The following NLGN1 variants were observed in gnomAD, a reference collection of about 807,000 sequenced individuals.
NLGN1 encodes neuroligin 1, also known as neuroligin-1.
A neutral mutation model predicts 65.5 loss-of-function variants in NLGN1; 12 were observed. The observed-to-expected ratio is 0.18, with a 90% CI of 0.12 to 0.30. The LOEUF is 0.30. Ranked by LOEUF, NLGN1 falls within the 10% of genes least tolerant of loss-of-function variation. NLGN1 has a pLI of 1.00. For missense variants in NLGN1, 750 were observed against 1,007.1 expected (o/e 0.74, Z 3.46); for synonymous variants, 350 against 359.5 (o/e 0.97, Z 0.30).
At chr3:173,651,188 G>A (rs1332097915) in intron 3 of NLGN1, among the ~76,000 whole-genome samples, 3 of 151,762 alleles carry the variant, frequency 2.0e-5, no homozygotes, top group Non-Finnish European at 4.4e-5. Context: ...GGTAGTGTTT[G>A]ACTTGCTGTT....
chr3:173,799,498 A>G (rs1048977732), intron 3 of NLGN1, among the ~76,000 whole-genome samples: 5 of 151,990 alleles, frequency 3.3e-5, no homozygotes, highest in African/African-American at 9.7e-5. Context: ...AACTATACTG[A>G]GCATGAAACT....
intron 4 of NLGN1, among the ~76,000 whole-genome samples, chr3:174,022,902 A>T (rs1346277276): frequency 6.6e-6 from 1 of 152,134 alleles, no homozygotes; most frequent in Non-Finnish European, 1.5e-5. Context: ...TGTTGCTTAC[A>T]AAGGTTTATT....
chr3:173,422,958 G>A (rs1323012311), intron 1 of NLGN1, among the ~76,000 whole-genome samples: 1 of 152,116 alleles, frequency 6.6e-6, no homozygotes, highest in Non-Finnish European at 1.5e-5. Flanking sequence ...ATTTATAAAG[G>A]AATTCTTTCC....
intron 2 of NLGN1, among the ~76,000 whole-genome samples, chr3:173,542,105 C>CTTTATAAATATAAATTTA (rs1484522352): frequency 1.3e-5 from 2 of 151,856 alleles, no homozygotes; most frequent in African/African-American, 4.8e-5. Context: ...CCCTTATTTA[C>CTTTATAAATATAAATTTA]TTTGTATTTT....
At chr3:173,469,557 G>C (rs1724969590) in intron 2 of NLGN1, among the ~76,000 whole-genome samples, 1 of 151,900 alleles carries the variant, frequency 6.6e-6, no homozygotes, top group South Asian at 2.1e-4. Context: ...TCCTAAGGCA[G>C]ATGGATGCTA....
Position 174,156,732 on chromosome 3 carries a change from T to C in NLGN1, c.647-118583T>C, listed in dbSNP as rs1271053351. On this transcript the variant is annotated intron_variant, in intron 4 of 6. Transcript: ENST00000457714. ...TGAAAAAGTATGATATTGATAATAT[T>C]AACAAAGTCTGACTTTTGCCCAAAA... Among the ~76,000 whole-genome samples, 4 of 151,694 alleles carry C rather than the reference T, an allele frequency of 2.6e-5. No individual in the cohort carries two copies. The Admixed American group carries it at 2.6e-4, about 10-fold the overall frequency.
At chr3:173,739,220 T>G (rs371089994) in intron 3 of NLGN1, among the ~76,000 whole-genome samples, 4 of 152,132 alleles carry the variant, frequency 2.6e-5, no homozygotes, top group African/African-American at 9.6e-5. Context: ...TCCGCTCGAA[T>G]AAAGGAGACC....
chr3:173,853,251 A>G (rs1042344243), intron 4 of NLGN1, among the ~76,000 whole-genome samples: 1 of 152,208 alleles, frequency 6.6e-6, no homozygotes, highest in Non-Finnish European at 1.5e-5. Context: ...TACTTGTAGC[A>G]TATGGAAAAC....
chr3:173,832,992 A>G (rs896328400), intron 4 of NLGN1, among the ~76,000 whole-genome samples: 12 of 152,322 alleles, frequency 7.9e-5, no homozygotes, highest in East Asian at 1.9e-4. Context: ...GCATATGTGG[A>G]TGAAACCATA....
rs550577175 is a variant in NLGN1, at chr3:174,057,272, G to A, written c.647-218043G>A. On this transcript the variant is annotated intron_variant, in intron 4 of 6. Coordinates refer to ENST00000457714, the Ensembl canonical transcript of NLGN1. ...ACACGGTACTGTTTTTGATGGGGACGGGGAAAACTTCTTGATAACTAGATG... is the reference window on the plus strand; with the variant it reads ...ACACGGTACTGTTTTTGATGGGGACAGGGAAAACTTCTTGATAACTAGATG... 7.9e-5 allele frequency among the ~76,000 whole-genome samples: 12 copies of A among 152,086 alleles called. No homozygotes were observed. In the South Asian group the frequency reaches 2.1e-3, roughly 26 times the overall value.
intron 4 of NLGN1, among the ~76,000 whole-genome samples, chr3:173,946,909 A>T (rs1046732413): frequency 6.6e-6 from 1 of 152,198 alleles, no homozygotes; most frequent in African/African-American, 2.4e-5. Context: ...TGTTTAAGTG[A>T]GGGCTCTAGG....
Position 174,280,089 on chromosome 3 carries a change from G to T in NLGN1, c.1650-392G>T, listed in dbSNP as rs570841925. Among the ~76,000 whole-genome samples, 2 of 151,988 alleles carry T rather than the reference G, an allele frequency of 1.3e-5. No homozygotes were observed. Among genetic ancestry groups the T allele is most frequent in the Non-Finnish European group, 2.9e-5 (2 of 67,934 alleles). On this transcript the variant is annotated intron_variant, in intron 6 of 6. Transcript: ENST00000457714. The surrounding 1 kb of genome is among the most constrained non-coding windows in gnomAD (Gnocchi z 4.9). ...TGTCATAGAGATGTTCACATGTCTG[G>T]TATATAGCAGAGCCTAGGCTCAAAC...
At chr3:173,502,623 C>T (rs758642055) in intron 2 of NLGN1, among the ~76,000 whole-genome samples, 11 of 152,040 alleles carry the variant, frequency 7.2e-5, no homozygotes, top group Non-Finnish European at 1.5e-4. Context: ...TTTATACTGA[C>T]AAGTATATGT....
At chr3:174,063,385 C>T (rs1053166637) in intron 4 of NLGN1, among the ~76,000 whole-genome samples, 1 of 151,996 alleles carries the variant, frequency 6.6e-6, no homozygotes, top group South Asian at 2.1e-4. Flanking sequence ...AAATGACATC[C>T]GTAGAAACTC....
intron 4 of NLGN1, among the ~76,000 whole-genome samples, chr3:173,971,950 G>T (rs897259428): frequency 1.3e-5 from 2 of 151,856 alleles, no homozygotes; most frequent in African/African-American, 4.8e-5. Context: ...AAGACTATGG[G>T]GAGTGGACTC....
intron 4 of NLGN1, among the ~76,000 whole-genome samples, chr3:173,913,427 G>A (rs539487677): frequency 6.6e-6 from 1 of 152,274 alleles, no homozygotes; most frequent in African/African-American, 2.4e-5. Context: ...ATGGCCACAG[G>A]AACTAAGAGC....
intron 4 of NLGN1, among the ~76,000 whole-genome samples, chr3:174,182,318 C>T (rs73038806): frequency 0.033 from 5,037 of 152,126 alleles, 217 homozygotes; most frequent in African/African-American, 0.094. Context: ...AGTAACACTC[C>T]CTATTTTGAA....
intron 4 of NLGN1, among the ~76,000 whole-genome samples, chr3:174,145,865 A>C (rs971005584): frequency 3.3e-5 from 5 of 152,224 alleles, no homozygotes; most frequent in African/African-American, 9.6e-5. Flanking sequence ...TAAATATTAC[A>C]AACTCCAATA....
chr3:173,605,666 A>G, intron 3 of NLGN1, 73 bp downstream of exon 3: 1 of 688,806 alleles, frequency 1.5e-6, no homozygotes, highest in Non-Finnish European at 2.2e-6. Flanking sequence ...CTCCCTAAGG[A>G]TGATTTGCTG....
Sources: allele counts gnomAD v4.1 joint callset (sites outside exome capture counted in the v4.1 genomes callset), GRCh38; gene constraint gnomAD v4.1.1; non-coding constraint Gnocchi (gnomAD v3.1); transcripts MANE v1.5; gene names NCBI Gene and HGNC (gene_info 2026-07-23, HGNC 2026-07-21).